Variants in FOXP4 observed in about 807,000 individuals in gnomAD.
FOXP4 encodes forkhead box P4.
Under a neutral mutation model 82.6 loss-of-function variants are expected in FOXP4, and 25 were observed. The observed-to-expected ratio is 0.30, with a 90% CI of 0.22 to 0.42. FOXP4 has a LOEUF of 0.42. Among genes scored for constraint, FOXP4 ranks in the 10% least tolerant of loss-of-function variants. The pLI is 1.00. For missense variants in FOXP4, 785 were observed against 900.9 expected, an observed-to-expected ratio of 0.87 and a Z score of 1.65; for synonymous variants, 415 against 388.2, an observed-to-expected ratio of 1.07 and a Z score of -0.81.
chr6:41,571,317 A>G (rs1765187488), intron 2 of FOXP4, among the ~76,000 whole-genome samples: 1 of 152,270 alleles, frequency 6.6e-6, no homozygotes, highest in South Asian at 2.1e-4. Flanking sequence ...GAGGCCGGGC[A>G]CTGCTGGTGC....
At chr6:41,586,762 G>A (rs1203840163) in intron 5 of FOXP4, among the ~76,000 whole-genome samples, 8 of 152,218 alleles carry the variant, frequency 5.3e-5, no homozygotes, top group African/African-American at 1.7e-4. Flanking sequence ...GTCGTGCTGC[G>A]TGTCTGGGTC....
At chr6:41,589,699 G>T in intron 9 of FOXP4, 72 bp from the exon 10 acceptor site, 2 of 1,480,642 alleles carry the variant, frequency 1.4e-6, no homozygotes, top group Non-Finnish European at 9.3e-7. Flanking sequence ...GAGCCTGGCG[G>T]TGGAGGGGTG....
rs1484470012 is a variant in FOXP4, at chr6:41,590,125, G to A, written c.1312G>A (p.Ala438Thr). Reference sequence around the variant, plus strand: ...TGCCTCCCTGCATGGTGGGGGCCCAGCCCGTCGGAGAAGCAGTGACAAGTT... The same window carrying A: ...TGCCTCCCTGCATGGTGGGGGCCCAACCCGTCGGAGAAGCAGTGACAAGTT... ...GSASLHGGGP[A>T]RRRSSDKFCS... Residue 438 changes from alanine (A) to threonine (T), a missense_variant, in exon 11 of 17, where the codon GCC (alanine) becomes ACC (threonine). By Grantham distance (58) the Ala-to-Thr change is moderately conservative. Transcript: ENST00000307972. The A allele has an allele frequency of 1.2e-6, 2 of 1,611,296 alleles. No homozygotes were observed. The highest frequency in any genetic ancestry group is 2.2e-5 in the South Asian group (2 of 90,960).
In FOXP4 at chr6:41,589,963, C is replaced by CTG; in HGVS notation, c.1151_1152dup (p.Asn385Ter). The stretch of plus-strand genomic sequence containing the variant: ...TCAGTACCCTCCCCGTTGCTCACAG[C>CTG]TGAACCCGGTCCCCGGCTCCTCCTC... On this transcript the variant is annotated frameshift_variant and splice_region_variant, in exon 11 of 17. Coordinates refer to ENST00000307972, the MANE Select transcript of FOXP4 (RefSeq NM_001012426.2). LOFTEE classifies it high-confidence loss of function. 1 of 1,613,858 alleles carries CTG rather than the reference C, an allele frequency of 6.2e-7. No homozygotes were observed. Among genetic ancestry groups the CTG allele is most frequent in the Non-Finnish European group, 8.5e-7 (1 of 1,179,920 alleles).
chr6:41,548,824 C>CTTTT (rs11326650), intron 1 of FOXP4, among the ~76,000 whole-genome samples: 1 of 106,098 alleles, frequency 9.4e-6, no homozygotes, highest in East Asian at 2.8e-4. Flanking sequence ...GTCTGAAGGC[C>CTTTT]TTTTTTTTTT....
chr6:41,578,187 C>A, intron 3 of FOXP4, 106 bp downstream of exon 3: 1 of 937,352 alleles, frequency 1.1e-6, no homozygotes, highest in Admixed American at 2.6e-5. Context: ...AGTTCCAACA[C>A]CAAAAAGTGG....
chr6:41,565,576 G>A lies in FOXP4; in HGVS notation c.-16-169G>A, dbSNP rs555587338. On this transcript the variant is annotated intron_variant, in intron 1 of 16. Coordinates refer to ENST00000307972, the MANE Select transcript of FOXP4 (RefSeq NM_001012426.2). The stretch of plus-strand genomic sequence containing the variant: ...GCCACCCCTCACCTGGGGGGACATC[G>A]GGAGGAGCCACATTCCATCAGGCAT... Among the ~76,000 whole-genome samples, 15 of 152,240 alleles carry A rather than the reference G, an allele frequency of 9.9e-5. No individual in the cohort carries two copies. In the East Asian group the frequency reaches 2.3e-3, roughly 24 times the overall value.
At position 41,598,906 on chromosome 6, in the gene FOXP4, G is replaced by C. The variant is rs777107637; in HGVS notation, c.2013G>C (p.Glu671Asp). ...GGCCTCCGGAAGACAGGGACCTGGA[G>C]GAGGAGCTGCCGGGAGAAGAACTGT... is the stretch of plus-strand genomic sequence containing the variant. ...ASGPPEDRDL[E>D]EELPGEELS The change falls in exon 17 of 17, where the codon GAG becomes GAC. Residue 671 changes from glutamate to aspartate, a missense_variant. This residue lies in a region of FOXP4 where 184 missense variants were observed against 187.3 expected (regional missense o/e 0.98). Coordinates refer to ENST00000307972, the MANE Select transcript of FOXP4 (RefSeq NM_001012426.2). 12 of 1,608,110 alleles carry C rather than the reference G, an allele frequency of 7.5e-6. 1 individual carries two copies. The Admixed American group carries it at 1.3e-4, about 18-fold the overall frequency.
chr6:41,598,898 G>C lies in FOXP4; in HGVS notation c.2005G>C (p.Asp669His), dbSNP rs373949416. The change falls in exon 17 of 17, where the codon GAC becomes CAC. Residue 669 changes from aspartate to histidine, a missense_variant. By Grantham distance (81) the Asp-to-His change is moderately conservative (BLOSUM62 -1). Around this residue, in one of 3 missense-constraint regions of FOXP4, gnomAD observed 184 missense variants for 187.3 expected, o/e 0.98. Coordinates refer to ENST00000307972, the MANE Select transcript of FOXP4 (RefSeq NM_001012426.2). ...CGCCTCGGGGCCTCCGGAAGACAGG[G>C]ACCTGGAGGAGGAGCTGCCGGGAGA... ...PSASGPPEDR[D>H]LEEELPGEEL... 8.7e-6 allele frequency: 14 copies of C among 1,607,554 alleles called. No homozygotes were observed. The highest frequency in any genetic ancestry group is 4.2e-6 in the Non-Finnish European group (5 of 1,178,084).
At chr6:41,566,077 C>T in intron 2 of FOXP4, 113 bp downstream of exon 2, 1 of 1,208,696 alleles carries the variant, frequency 8.3e-7, no homozygotes, top group South Asian at 1.5e-5. Context: ...CTCACTTTAC[C>T]ATTCTTAAGA....
Position 41,589,952 on chromosome 6 carries a change from G to C in FOXP4, c.1150-11G>C. ...GGGCACTGGTCTCAGTACCCTCCCC[G>C]TTGCTCACAGCTGAACCCGGTCCCC... is the stretch of plus-strand genomic sequence containing the variant. On this transcript the variant is annotated splice_polypyrimidine_tract_variant and intron_variant, in intron 10 of 16. Transcript: ENST00000307972. The C allele has an allele frequency of 6.2e-7, 1 of 1,602,688 alleles. No individual in the cohort carries two copies. Among genetic ancestry groups the C allele is most frequent in the Non-Finnish European group, 8.5e-7 (1 of 1,173,604 alleles).
At chr6:41,598,639 G>C in intron 16 of FOXP4, 150 bp from the exon 17 acceptor site, 1 of 1,121,020 alleles carries the variant, frequency 8.9e-7, no homozygotes, top group East Asian at 2.6e-5. Flanking sequence ...GAGAGCCCTA[G>C]GGGAGATCAG....
chr6:41,572,829 T>G (rs1482708320), intron 2 of FOXP4, among the ~76,000 whole-genome samples: 1 of 152,176 alleles, frequency 6.6e-6, no homozygotes, highest in African/African-American at 2.4e-5. Context: ...AGAGCCCAGT[T>G]TCAGGTCTGG....
chr6:41,549,059 C>A (rs995550542), intron 1 of FOXP4, among the ~76,000 whole-genome samples: 1 of 152,000 alleles, frequency 6.6e-6, no homozygotes, highest in Non-Finnish European at 1.5e-5. Flanking sequence ...TTGTGGTTGC[C>A]CCCTCTCAGC....
chr6:41,570,210 G>C, intron 2 of FOXP4: 1 of 437,130 alleles, frequency 2.3e-6, no homozygotes, highest in Non-Finnish European at 4.9e-6. Context: ...TTTCCTGTCT[G>C]ATCCCACACC....
At chr6:41,563,719 A>G (rs1005257959) in intron 1 of FOXP4, among the ~76,000 whole-genome samples, 3 of 152,172 alleles carry the variant, frequency 2.0e-5, no homozygotes, top group Non-Finnish European at 2.9e-5. Context: ...TGCCATGTGC[A>G]TGTTTATTTT....
rs1480033809 is a variant in FOXP4 at position 41,590,048 on chromosome 6, C to A, written c.1235C>A (p.Pro412Gln). The change falls in exon 11 of 17, where the codon CCG becomes CAG. Residue 412 changes from proline to glutamine, a missense_variant. Pro to Gln is a moderately conservative substitution (Grantham distance 76). Around this residue, in one of 3 missense-constraint regions of FOXP4, gnomAD observed 570 missense variants for 634.0 expected, o/e 0.90. Transcript: ENST00000307972. Reference protein sequence around the residue: ...DSFPDGLVHPPTSAAAPVTPL... With the variant: ...DSFPDGLVHPQTSAAAPVTPL... Reference sequence around the variant, plus strand: ...TTCCCAGATGGTCTCGTGCACCCCCCGACCTCGGCCGCAGCCCCTGTCACC... The same window carrying A: ...TTCCCAGATGGTCTCGTGCACCCCCAGACCTCGGCCGCAGCCCCTGTCACC... 1.2e-6 allele frequency: 2 copies of A among 1,613,884 alleles called. No homozygotes were observed. Among genetic ancestry groups the A allele is most frequent in the Admixed American group, 3.3e-5 (2 of 60,022 alleles).
rs754800611 is a variant in FOXP4 at position 41,587,078 on chromosome 6, C to T, written c.580C>T (p.Leu194=). 8 of 1,609,066 alleles carry T rather than the reference C, an allele frequency of 5.0e-6. No homozygotes were observed. The African/African-American group carries it at 1.1e-4, about 21-fold the overall frequency. Residue 194 remains leucine, a synonymous_variant, in exon 6 of 17, where the codon CTG becomes TTG. Coordinates refer to ENST00000307972, the MANE Select transcript of FOXP4 (RefSeq NM_001012426.2). ...LQMQQLQQQH[L]LNLQRQGLVS... ...AATGCAACAGTTGCAGCAGCAGCAC[C>T]TGCTCAACCTGCAGAGGCAGGGGCT...
rs1766353900 is a variant in FOXP4, at chr6:41,589,409, C to T, written c.1066-362C>T. ...CTGCATCTGCATTCAGTATGCAAGG[C>T]CCTCACACACAAGTGCCACTGCACA... On this transcript the variant is annotated intron_variant, in intron 9 of 16. Coordinates refer to ENST00000307972, the MANE Select transcript of FOXP4 (RefSeq NM_001012426.2). 1.3e-5 allele frequency among the ~76,000 whole-genome samples: 2 copies of T among 152,260 alleles called. 1 individual carries two copies. Among genetic ancestry groups the T allele is most frequent in the South Asian group, 4.1e-4 (2 of 4,836 alleles).
Sources: allele counts gnomAD v4.1 joint callset (sites outside exome capture counted in the v4.1 genomes callset), GRCh38; gene constraint gnomAD v4.1.1; regional missense constraint gnomAD v4.1.1; transcripts MANE v1.5; gene names NCBI Gene and HGNC (gene_info 2026-07-23, HGNC 2026-07-21).